Variants in PTPRD observed in about 807,000 individuals in gnomAD.
PTPRD encodes the protein protein tyrosine phosphatase receptor type D.
A neutral mutation model predicts 214.5 loss-of-function variants in PTPRD; 34 were observed. That is an observed-to-expected ratio of 0.16 (90% CI 0.12 to 0.21). The LOEUF is 0.21. Among genes scored for constraint, PTPRD ranks in the 10% least tolerant of loss-of-function variants. The pLI is 1.00. For missense variants in PTPRD, 2,545 were observed against 2,398.7 expected (o/e 1.06, Z -1.27); for synonymous variants, 1,128 against 845.7 (o/e 1.33, Z -5.79).
chr9:8,512,353 A>G (rs929040006), intron 21 of PTPRD, among the ~76,000 whole-genome samples: 13 of 152,082 alleles, frequency 8.5e-5, no homozygotes, highest in African/African-American at 2.9e-4. Flanking sequence ...TAAATGAGAA[A>G]AAGTTAAATT....
intron 8 of PTPRD, among the ~76,000 whole-genome samples, chr9:9,516,986 A>C (rs556582225): frequency 6.6e-6 from 1 of 152,200 alleles, no homozygotes; most frequent in Non-Finnish European, 1.5e-5. Flanking sequence ...AAGAAAACAA[A>C]TGATATAAAC....
chr9:8,321,478 T>C (rs1296559351), intron 44 of PTPRD, among the ~76,000 whole-genome samples: 2 of 68,026 alleles, frequency 2.9e-5, no homozygotes, highest in African/African-American at 1.7e-4. Flanking sequence ...TGTGTGTGTG[T>C]GTGTGTGTGT....
intron 11 of PTPRD, among the ~76,000 whole-genome samples, chr9:8,872,746 A>G (rs946034808): frequency 3.3e-5 from 5 of 152,210 alleles, no homozygotes; most frequent in Admixed American, 6.5e-5. Context: ...CCATCTAGGG[A>G]CAGTCCAAAT....
In PTPRD at chr9:9,565,018, C is replaced by A. The variant is rs2084073969; in HGVS notation, c.-237+9714G>T. On this transcript the variant is annotated intron_variant, in intron 8 of 45. Transcript: ENST00000381196. ...CAAATTTACCTAGTTTCAAAATTAT[C>A]TCAAGGTCTCCAATGTCCTGATAAC... 2.7e-5 allele frequency among the ~76,000 whole-genome samples: 4 copies of A among 145,540 alleles called. No homozygotes were observed. The Admixed American group carries it at 2.9e-4, about 10-fold the overall frequency.
intron 9 of PTPRD, among the ~76,000 whole-genome samples, chr9:9,230,827 G>C (rs1472371977): frequency 6.6e-6 from 1 of 152,112 alleles, no homozygotes; most frequent in East Asian, 1.9e-4. Context: ...ACTAACCTGA[G>C]AGATTTTGCC....
chr9:10,159,123 T>C (rs991687642), intron 3 of PTPRD, among the ~76,000 whole-genome samples: 14 of 151,412 alleles, frequency 9.2e-5, no homozygotes, highest in African/African-American at 2.9e-4. Context: ...TTACTAGAAC[T>C]CAGGTAAATA....
At chr9:9,885,976 C>T (rs1430364853) in intron 5 of PTPRD, among the ~76,000 whole-genome samples, 1 of 149,136 alleles carries the variant, frequency 6.7e-6, no homozygotes, top group Non-Finnish European at 1.5e-5. Flanking sequence ...TTACAAAACC[C>T]CACATATTAA....
rs139770693 is a variant in PTPRD at position 9,826,154 on chromosome 9, C to T, written c.-367-59303G>A. 8.2e-3 allele frequency among the ~76,000 whole-genome samples: 1,247 copies of T among 151,668 alleles called. 18 individuals are homozygous for T. The highest frequency in any genetic ancestry group is 0.028 in the African/African-American group (1,175 of 41,492). Reference sequence around the variant, plus strand: ...ATTAATTTGTCTTTAATAGTTTTTACGTCTTTCTACACTTTTCTTTTTACT... The same window carrying T: ...ATTAATTTGTCTTTAATAGTTTTTATGTCTTTCTACACTTTTCTTTTTACT... On this transcript the variant is annotated intron_variant, in intron 5 of 45. Coordinates refer to ENST00000381196, the MANE Select transcript of PTPRD (RefSeq NM_002839.4).
chr9:9,929,447 G>A (rs1469629939), intron 5 of PTPRD, among the ~76,000 whole-genome samples: 5 of 152,166 alleles, frequency 3.3e-5, no homozygotes, highest in Non-Finnish European at 4.4e-5. Flanking sequence ...AGGCTGAAGT[G>A]CAGTGGCGTG....
At chr9:9,426,517 G>T (rs536129930) in intron 8 of PTPRD, among the ~76,000 whole-genome samples, 5 of 152,306 alleles carry the variant, frequency 3.3e-5, no homozygotes, top group African/African-American at 1.2e-4. Context: ...AGAAACTTCT[G>T]CAGACTTAAA....
chr9:8,971,894 A>G (rs973759665), intron 11 of PTPRD, among the ~76,000 whole-genome samples: 6 of 151,820 alleles, frequency 4.0e-5, no homozygotes, highest in Non-Finnish European at 7.4e-5. Context: ...TGGCAGAGCT[A>G]GGATAATTCA....
At chr9:10,505,262 C>A (rs2133439888) in intron 2 of PTPRD, among the ~76,000 whole-genome samples, 1 of 152,260 alleles carries the variant, frequency 6.6e-6, no homozygotes, top group East Asian at 1.9e-4. Context: ...TCACTGGTGA[C>A]AGTATTCCCA....
intron 11 of PTPRD, among the ~76,000 whole-genome samples, chr9:8,774,415 G>A (rs1275859294): frequency 6.6e-6 from 1 of 151,668 alleles, no homozygotes; most frequent in Non-Finnish European, 1.5e-5. Flanking sequence ...GAGCTGACAA[G>A]ATGAAGATGA....
intron 3 of PTPRD, among the ~76,000 whole-genome samples, chr9:10,318,479 T>G (rs145918920): frequency 2.6e-5 from 4 of 152,130 alleles, no homozygotes; most frequent in Non-Finnish European, 5.9e-5. Context: ...CCGTGCCTCT[T>G]AGTCAGCAAA....
intron 5 of PTPRD, among the ~76,000 whole-genome samples, chr9:9,826,374 T>G (rs2153588477): frequency 6.6e-6 from 1 of 151,970 alleles, no homozygotes; most frequent in East Asian, 1.9e-4. Flanking sequence ...TTGTTTACTT[T>G]TACTGGTTGC....
chr9:8,539,548 A>T (rs1054763478), intron 14 of PTPRD, among the ~76,000 whole-genome samples: 1 of 152,002 alleles, frequency 6.6e-6, no homozygotes, highest in Non-Finnish European at 1.5e-5. Context: ...GTAACTTTAC[A>T]TTGGAGAAGG....
At chr9:9,054,740 T>G (rs2099693102) in intron 10 of PTPRD, among the ~76,000 whole-genome samples, 1 of 152,196 alleles carries the variant, frequency 6.6e-6, no homozygotes, top group Non-Finnish European at 1.5e-5. Flanking sequence ...CATTGTTGTG[T>G]GATTTGGTAA....
chr9:9,382,364 G>A lies in PTPRD; in HGVS notation c.-203+15085C>T, dbSNP rs184916577. 6.6e-5 allele frequency among the ~76,000 whole-genome samples: 10 copies of A among 152,050 alleles called. No homozygotes were observed. In the East Asian group the frequency reaches 1.6e-3, roughly 24 times the overall value. ...GGCAACAAAGCTTATGCACAGCAAA[G>A]AAATAATCAACAAAATTAAAAAGGT... On this transcript the variant is annotated intron_variant, in intron 9 of 45. Transcript: ENST00000381196.
intron 11 of PTPRD, among the ~76,000 whole-genome samples, chr9:8,750,573 G>A (rs151063873): frequency 5.3e-5 from 8 of 152,166 alleles, no homozygotes; most frequent in Non-Finnish European, 1.2e-4. Context: ...AGAATAGGGT[G>A]ACAGGAAAGG....
Sources: allele counts gnomAD v4.1 joint callset (sites outside exome capture counted in the v4.1 genomes callset), GRCh38; gene constraint gnomAD v4.1.1; transcripts MANE v1.5; gene names NCBI Gene and HGNC (gene_info 2026-07-23, HGNC 2026-07-21).